The following AGBL4 variants were observed in gnomAD, a reference collection of about 807,000 sequenced individuals.
AGBL4 encodes cytosolic carboxypeptidase 6.
AGBL4 carries 58 observed loss-of-function variants against 66.4 expected under a neutral mutation model. The ratio of observed to expected loss-of-function variants is 0.87; its 90% confidence interval spans 0.71 to 1.09. The LOEUF is 1.09. Among genes scored for constraint, AGBL4 ranks in the 50% least tolerant of loss-of-function variants. The pLI is 0.00. For synonymous variants in AGBL4, 234 were observed against 222.9 expected (o/e 1.05, Z -0.44); for missense variants, 579 against 631.0 (o/e 0.92, Z 0.88).
intron 5 of AGBL4, among the ~76,000 whole-genome samples, chr1:49,039,358 A>G (rs939590963): frequency 3.3e-5 from 5 of 152,146 alleles, no homozygotes; most frequent in African/African-American, 7.2e-5. Flanking sequence ...TGATGTGTCA[A>G]CGTAAGTTCA....
At chr1:49,869,818 G>C (rs185072123) in intron 1 of AGBL4, among the ~76,000 whole-genome samples, 1 of 152,302 alleles carries the variant, frequency 6.6e-6, no homozygotes, top group East Asian at 1.9e-4. Flanking sequence ...AGAACAGGAA[G>C]AGAAGGGGGA....
downstream of AGBL4, among the ~76,000 whole-genome samples, chr1:48,532,337 C>T (rs1222889743): frequency 6.6e-6 from 1 of 152,136 alleles, no homozygotes; most frequent in African/African-American, 2.4e-5. Context: ...AAATAACTTG[C>T]CTAAGATCAC....
chr1:49,521,005 C>T (rs944131936), intron 3 of AGBL4, among the ~76,000 whole-genome samples: 2 of 151,944 alleles, frequency 1.3e-5, no homozygotes, highest in African/African-American at 4.8e-5. Context: ...CACGGGGTTT[C>T]ACCATGTTGG....
chr1:49,798,038 C>T (rs933079353), intron 2 of AGBL4, among the ~76,000 whole-genome samples: 1 of 152,132 alleles, frequency 6.6e-6, no homozygotes, highest in Non-Finnish European at 1.5e-5. Flanking sequence ...GCATGAGCCA[C>T]CTTGCCCGGC....
chr1:48,803,985 T>C (rs1382760404), intron 6 of AGBL4, among the ~76,000 whole-genome samples: 7 of 152,228 alleles, frequency 4.6e-5, no homozygotes, highest in Admixed American at 4.6e-4. Flanking sequence ...CATCTCAGTT[T>C]CCTCATCTAT....
chr1:49,934,092 C>A (rs1173393330), intron 1 of AGBL4, among the ~76,000 whole-genome samples: 2 of 152,100 alleles, frequency 1.3e-5, no homozygotes, highest in South Asian at 4.1e-4. Flanking sequence ...GAAACACATA[C>A]AACTATAAAA....
chr1:49,083,315 A>C (rs1046651605), intron 4 of AGBL4, among the ~76,000 whole-genome samples: 1 of 152,214 alleles, frequency 6.6e-6, no homozygotes, highest in Non-Finnish European at 1.5e-5. Context: ...GAGGGTCTCC[A>C]TGAGGGTCCT....
At chr1:49,168,125 C>T (rs575611357) in intron 4 of AGBL4, among the ~76,000 whole-genome samples, 5 of 152,204 alleles carry the variant, frequency 3.3e-5, no homozygotes, top group African/African-American at 9.6e-5. Context: ...TCCGAGGGGG[C>T]TCCTGGAACG....
intron 2 of AGBL4, among the ~76,000 whole-genome samples, chr1:49,825,340 C>A (rs963066668): frequency 6.6e-6 from 1 of 152,110 alleles, no homozygotes; most frequent in African/African-American, 2.4e-5. Flanking sequence ...AGGAAGGGGA[C>A]AAAAAATTTA....
intron 6 of AGBL4, among the ~76,000 whole-genome samples, chr1:48,713,543 T>A (rs6680355): frequency 0.062 from 9,380 of 151,884 alleles, 404 homozygotes; most frequent in African/African-American, 0.13. Context: ...GTATGGTGAG[T>A]TCTGTGAGGG....
intron 3 of AGBL4, among the ~76,000 whole-genome samples, chr1:49,298,871 T>G (rs1644691645): frequency 6.6e-6 from 1 of 152,198 alleles, no homozygotes. Context: ...TGCCTTAGTC[T>G]GACATTCATG....
intron 3 of AGBL4, among the ~76,000 whole-genome samples, chr1:49,249,304 G>T (rs1436089399): frequency 6.6e-6 from 1 of 151,984 alleles, no homozygotes; most frequent in Non-Finnish European, 1.5e-5. Flanking sequence ...CAGAATGGGA[G>T]AAAATATTTG....
At chr1:48,846,553 C>T (rs1271887389) in intron 6 of AGBL4, among the ~76,000 whole-genome samples, 1 of 152,198 alleles carries the variant, frequency 6.6e-6, no homozygotes, top group Non-Finnish European at 1.5e-5. Context: ...GCTTCATTGC[C>T]TATAATTCAT....
intron 2 of AGBL4, among the ~76,000 whole-genome samples, chr1:49,755,428 CAGCTGCCACACACAAACATG>C (rs1414320009): frequency 6.6e-6 from 1 of 152,186 alleles, no homozygotes; most frequent in Non-Finnish European, 1.5e-5. Context: ...TTTAATCCTT[CAGCTGCCACACACAAACATG>C]AGCCTCTGTT....
intron 3 of AGBL4, among the ~76,000 whole-genome samples, chr1:49,306,488 T>C (rs564521497): frequency 1.3e-5 from 2 of 152,346 alleles, no homozygotes; most frequent in African/African-American, 4.8e-5. Context: ...TCTACTCAAC[T>C]AGTTACTTGC....
chr1:49,801,124 A>G (rs1048246456), intron 2 of AGBL4, among the ~76,000 whole-genome samples: 1 of 152,204 alleles, frequency 6.6e-6, no homozygotes, highest in Non-Finnish European at 1.5e-5. Flanking sequence ...ACTGGCCATC[A>G]GAGAAATGCA....
intron 6 of AGBL4, among the ~76,000 whole-genome samples, chr1:48,861,217 AC>A (rs1455079012): frequency 7.9e-5 from 12 of 152,180 alleles, no homozygotes; most frequent in African/African-American, 2.7e-4. Context: ...GTGCAGTAAG[AC>A]AAAAATAATA....
At chr1:49,649,032 T>C (rs1173238074) in intron 3 of AGBL4, among the ~76,000 whole-genome samples, 1 of 152,160 alleles carries the variant, frequency 6.6e-6, no homozygotes, top group African/African-American at 2.4e-5. Context: ...CACACACTTA[T>C]GTATGCTTAT....
chr1:49,950,689 T>C (rs1406176900), intron 1 of AGBL4, among the ~76,000 whole-genome samples: 1 of 151,708 alleles, frequency 6.6e-6, no homozygotes, highest in Non-Finnish European at 1.5e-5. Context: ...CCTCAAAACA[T>C]TGAAACTAAA....
Sources: gnomAD v4.1 joint callset for allele counts (sites outside exome capture counted in the v4.1 genomes callset) on GRCh38, gnomAD v4.1.1 for gene constraint, MANE v1.5 for transcripts, NCBI Gene and HGNC (gene_info 2026-07-23, HGNC 2026-07-21) for gene names.